The following C8B variants were observed in gnomAD, a reference collection of about 807,000 sequenced individuals.
C8B encodes complement C8 beta chain, also known as complement component C8 beta chain.
C8B carries 67 observed loss-of-function variants against 64.6 expected under a neutral mutation model. That is an observed-to-expected ratio of 1.04 (90% CI 0.85 to 1.27). C8B has a LOEUF of 1.27. Ranked by LOEUF, C8B falls within the 50% of genes most tolerant of loss-of-function variation. The pLI, the probability that C8B is intolerant of heterozygous loss-of-function variation, is 0.00. For missense variants in C8B, 790 were observed against 725.2 expected (o/e 1.09, Z -1.03); for synonymous variants, 284 against 257.7 (o/e 1.10, Z -0.98).
At chr1:56,956,746 C>T in intron 3 of C8B, 23 bp downstream of exon 3, 2 of 1,612,820 alleles carry the variant, frequency 1.2e-6, no homozygotes, top group Non-Finnish European at 1.7e-6. Context: ...GCTTTCCCCT[C>T]TTACTCCTAC....
intron 11 of C8B, chr1:56,931,499 C>T: frequency 2.8e-6 from 1 of 352,272 alleles, no homozygotes; most frequent in Non-Finnish European, 5.6e-6. Flanking sequence ...AATTTGAGGG[C>T]TGAATAGCAG....
intron 11 of C8B, among the ~76,000 whole-genome samples, chr1:56,930,875 A>T (rs1408283917): frequency 6.6e-6 from 1 of 152,200 alleles, no homozygotes; most frequent in Non-Finnish European, 1.5e-5. Context: ...CAAACGCTTT[A>T]TATGCCTCCT....
chr1:56,960,404 G>T (rs183792817), intron 1 of C8B, among the ~76,000 whole-genome samples: 131 of 152,040 alleles, frequency 8.6e-4, no homozygotes, highest in Non-Finnish European at 1.7e-3. Flanking sequence ...ATTAATTTAG[G>T]TTAATTAATC....
chr1:56,955,121 T>C (rs1425130085), intron 3 of C8B, among the ~76,000 whole-genome samples: 1 of 152,226 alleles, frequency 6.6e-6, no homozygotes, highest in East Asian at 1.9e-4. Flanking sequence ...CTGTAAATTG[T>C]GTGAGCTGGG....
chr1:56,960,845 A>C (rs1409703192), intron 1 of C8B, among the ~76,000 whole-genome samples: 1 of 151,930 alleles, frequency 6.6e-6, no homozygotes, highest in Non-Finnish European at 1.5e-5. Flanking sequence ...GATGGGGAAG[A>C]CTTGAGTTTC....
At chr1:56,958,532 C>T (rs962158058) in intron 2 of C8B, among the ~76,000 whole-genome samples, 1 of 152,032 alleles carries the variant, frequency 6.6e-6, no homozygotes, top group African/African-American at 2.4e-5. Flanking sequence ...GCTCCAAAGG[C>T]AAAGTGGGTT....
At chr1:56,946,785 G>T (rs1338169927) in intron 6 of C8B, among the ~76,000 whole-genome samples, 1 of 152,222 alleles carries the variant, frequency 6.6e-6, no homozygotes, top group Non-Finnish European at 1.5e-5. Flanking sequence ...AACCCTAGGT[G>T]AGCATTCCCT....
At chr1:56,959,729 T>C in intron 2 of C8B, 1 of 903,352 alleles carries the variant, frequency 1.1e-6, no homozygotes, top group Non-Finnish European at 1.7e-6. Context: ...CTATGATTGC[T>C]TCCCCTGTTT....
intron 9 of C8B, among the ~76,000 whole-genome samples, chr1:56,937,291 A>G (rs760399294): frequency 4.6e-5 from 7 of 152,196 alleles, no homozygotes; most frequent in Non-Finnish European, 7.3e-5. Flanking sequence ...GGAGCACACG[A>G]CAAGACGCAG....
At chr1:56,963,947 T>C in intron 1 of C8B, 2 of 985,346 alleles carry the variant, frequency 2.0e-6, no homozygotes, top group Non-Finnish European at 2.4e-6. Context: ...CATTTTCTGT[T>C]CCAGAACCAA....
intron 7 of C8B, among the ~76,000 whole-genome samples, chr1:56,944,659 A>T (rs1398202094): frequency 6.6e-6 from 1 of 152,238 alleles, no homozygotes; most frequent in South Asian, 2.1e-4. Context: ...GGAATCTATT[A>T]TGTGTTTTCC....
intron 2 of C8B, chr1:56,959,730 TC>T (rs1378337025): frequency 2.2e-6 from 2 of 905,504 alleles, no homozygotes; most frequent in Non-Finnish European, 3.3e-6. Flanking sequence ...TATGATTGCT[TC>T]CCCTGTTTCA....
chr1:56,941,509 C>CATAGATAGATAGATAG (rs200918831), intron 8 of C8B, among the ~76,000 whole-genome samples: 2 of 86,722 alleles, frequency 2.3e-5, no homozygotes, highest in South Asian at 3.8e-4. Context: ...TAGATAGATA[C>CATAGATAGATAGATAG]ATAGATAGAT....
chr1:56,935,766 T>A (rs919653564), intron 9 of C8B, among the ~76,000 whole-genome samples: 9 of 152,178 alleles, frequency 5.9e-5, no homozygotes, highest in Non-Finnish European at 1.3e-4. Flanking sequence ...ACATAGCTAG[T>A]GAGTGGTGGA....
chr1:56,942,559 G>GC (rs1270999645), intron 8 of C8B, among the ~76,000 whole-genome samples: 1 of 151,376 alleles, frequency 6.6e-6, no homozygotes, highest in African/African-American at 2.4e-5. Flanking sequence ...ACAAATATTA[G>GC]CCAGGCGTGG....
intron 4 of C8B, among the ~76,000 whole-genome samples, chr1:56,952,934 G>A (rs1645047280): frequency 6.6e-6 from 1 of 152,224 alleles, no homozygotes; most frequent in South Asian, 2.1e-4. Flanking sequence ...TATACTGTGT[G>A]CTGTTTGAAG....
intron 6 of C8B, among the ~76,000 whole-genome samples, chr1:56,947,346 CTACCAA>C (rs1644956653): frequency 6.6e-6 from 1 of 152,200 alleles, no homozygotes; most frequent in Non-Finnish European, 1.5e-5. Flanking sequence ...TTACTACTTT[CTACCAA>C]CCACGTACGT....
chr1:56,941,163 G>A, intron 8 of C8B, 151 bp from the exon 9 acceptor site: 1 of 887,992 alleles, frequency 1.1e-6, no homozygotes, highest in Non-Finnish European at 1.8e-6. Context: ...CCACAGGGCA[G>A]TCATGGTGCA....
chr1:56,932,499 G>A (rs1372164354), intron 10 of C8B, among the ~76,000 whole-genome samples: 6 of 152,064 alleles, frequency 3.9e-5, no homozygotes, highest in Admixed American at 2.0e-4. Flanking sequence ...TTTCGTACAA[G>A]GCAAGGGAGA....
Sources: gnomAD v4.1 joint callset for allele counts (sites outside exome capture counted in the v4.1 genomes callset) on GRCh38, gnomAD v4.1.1 for gene constraint, MANE v1.5 for transcripts, NCBI Gene and HGNC (gene_info 2026-07-23, HGNC 2026-07-21) for gene names.